Variants in HS3ST4 observed in about 807,000 individuals in gnomAD.
HS3ST4 encodes the protein heparan sulfate-glucosamine 3-sulfotransferase 4, also known as heparan sulfate glucosamine 3-O-sulfotransferase 4.
In HS3ST4, 17 loss-of-function variants were observed where a neutral mutation model predicts 29.2. The observed-to-expected ratio is 0.58, with a 90% CI of 0.40 to 0.87. The LOEUF (loss-of-function observed/expected upper bound fraction) is 0.87. Ranked by LOEUF, HS3ST4 falls within the 40% of genes least tolerant of loss-of-function variation. HS3ST4 has a pLI of 0.00. For synonymous variants in HS3ST4, 314 were observed against 285.7 expected, an observed-to-expected ratio of 1.10 and a Z score of -1.00; for missense variants, 627 against 634.5, an observed-to-expected ratio of 0.99 and a Z score of 0.13.
At chr16:25,941,867 T>G (rs1312812075) in intron 1 of HS3ST4, among the ~76,000 whole-genome samples, 1 of 152,224 alleles carries the variant, frequency 6.6e-6, no homozygotes, top group Admixed American at 6.5e-5. Context: ...TGAGCCACCA[T>G]GCCTGGCCAA....
At chr16:25,752,921 G>C (rs1966731416) in intron 1 of HS3ST4, among the ~76,000 whole-genome samples, 1 of 152,178 alleles carries the variant, frequency 6.6e-6, no homozygotes, top group African/African-American at 2.4e-5. Flanking sequence ...TAGACTGACG[G>C]TATTATAGAG....
chr16:26,060,109 G>T (rs947945161), intron 1 of HS3ST4, among the ~76,000 whole-genome samples: 4 of 152,080 alleles, frequency 2.6e-5, no homozygotes, highest in Admixed American at 2.0e-4. Flanking sequence ...TGATTGTTTT[G>T]ATTGTTGTCA....
At chr16:25,827,970 A>C (rs1425218662) in intron 1 of HS3ST4, among the ~76,000 whole-genome samples, 8 of 152,076 alleles carry the variant, frequency 5.3e-5, no homozygotes, top group Non-Finnish European at 8.8e-5. Context: ...CTTTATGAGG[A>C]GAGGAGGTTT....
intron 1 of HS3ST4, among the ~76,000 whole-genome samples, chr16:26,122,188 A>C (rs1298632506): frequency 6.6e-6 from 1 of 151,940 alleles, no homozygotes; most frequent in Non-Finnish European, 1.5e-5. Context: ...GCAAAAAAAA[A>C]AAAAAAAATC....
chr16:25,953,339 T>C (rs1968699595), intron 1 of HS3ST4, among the ~76,000 whole-genome samples: 1 of 152,208 alleles, frequency 6.6e-6, no homozygotes, highest in Non-Finnish European at 1.5e-5. Flanking sequence ...TTGCTTTGCC[T>C]ATTTCTTGAA....
At chr16:25,773,634 C>T (rs886252163) in intron 1 of HS3ST4, among the ~76,000 whole-genome samples, 1 of 152,042 alleles carries the variant, frequency 6.6e-6, no homozygotes, top group Non-Finnish European at 1.5e-5. Context: ...GAAATGCTGG[C>T]GATGCAGGAA....
At chr16:25,927,375 A>G (rs565304362) in intron 1 of HS3ST4, among the ~76,000 whole-genome samples, 25 of 152,332 alleles carry the variant, frequency 1.6e-4, no homozygotes, top group African/African-American at 5.5e-4. Context: ...TTGACCTTCC[A>G]TGGCCTTCAG....
intron 1 of HS3ST4, among the ~76,000 whole-genome samples, chr16:25,866,297 T>C (rs949294279): frequency 6.6e-6 from 1 of 152,196 alleles, no homozygotes; most frequent in African/African-American, 2.4e-5. Flanking sequence ...TGTACAGATC[T>C]GATTGAAGGA....
chr16:25,913,261 A>C (rs1462965315), intron 1 of HS3ST4, among the ~76,000 whole-genome samples: 2 of 152,038 alleles, frequency 1.3e-5, no homozygotes, highest in Admixed American at 6.5e-5. Context: ...CTGAAACCTA[A>C]CCCCCCCGGG....
intron 1 of HS3ST4, among the ~76,000 whole-genome samples, chr16:26,092,034 C>T (rs561415529): frequency 2.6e-5 from 4 of 152,062 alleles, no homozygotes; most frequent in East Asian, 1.9e-4. Context: ...TTGGAAATGC[C>T]GAGCTGAGCC....
chr16:26,070,271 T>A, intron 1 of HS3ST4, among the ~76,000 whole-genome samples: 1 of 152,192 alleles, frequency 6.6e-6, no homozygotes, highest in Non-Finnish European at 1.5e-5. Flanking sequence ...AGATGATATG[T>A]CATTGTGGTT....
chr16:25,878,403 A>T (rs574949042), intron 1 of HS3ST4, among the ~76,000 whole-genome samples: 3 of 152,148 alleles, frequency 2.0e-5, no homozygotes, highest in African/African-American at 7.2e-5. Context: ...ACGTTTGTTT[A>T]ATGATGCTCA....
At chr16:25,945,569 G>T (rs139923120) in intron 1 of HS3ST4, among the ~76,000 whole-genome samples, 81 of 152,284 alleles carry the variant, frequency 5.3e-4, no homozygotes, top group Middle Eastern at 6.8e-3. Context: ...TAATGCCAAG[G>T]TGCTTCTCAA....
intron 1 of HS3ST4, among the ~76,000 whole-genome samples, chr16:25,800,447 T>TTC (rs1966922364): frequency 6.6e-6 from 1 of 151,880 alleles, no homozygotes; most frequent in South Asian, 2.1e-4. Context: ...TCCCACCTCT[T>TTC]TCTCTCTCTG....
intron 1 of HS3ST4, among the ~76,000 whole-genome samples, chr16:25,729,446 C>T (rs969155103): frequency 6.6e-6 from 1 of 152,172 alleles, no homozygotes; most frequent in African/African-American, 2.4e-5. Context: ...AGGTTCCATC[C>T]TGGTGCCTGG....
chr16:25,768,418 G>A (rs2141609821), intron 1 of HS3ST4, among the ~76,000 whole-genome samples: 1 of 152,152 alleles, frequency 6.6e-6, no homozygotes, highest in South Asian at 2.1e-4. Context: ...CCCTCTCTCT[G>A]TTTGTTTTGC....
intron 1 of HS3ST4, among the ~76,000 whole-genome samples, chr16:25,945,571 G>T (rs955896005): frequency 6.6e-6 from 1 of 152,186 alleles, no homozygotes; most frequent in Non-Finnish European, 1.5e-5. Flanking sequence ...ATGCCAAGGT[G>T]CTTCTCAAAG....
chr16:25,904,107 AATGGATGGATGG>A lies in HS3ST4; in HGVS notation c.734+210992_734+211003del, dbSNP rs146106307. Among the ~76,000 whole-genome samples, 890 of 142,588 alleles carry A rather than the reference AATGGATGGATGG, an allele frequency of 6.2e-3. 9 individuals carry two copies. Among genetic ancestry groups the A allele is most frequent in the African/African-American group, 0.021 (804 of 38,304 alleles). 93.5% of individuals were successfully genotyped at this position (142,588 alleles called of 152,430 possible). A position where few individuals can be genotyped will look rare whatever the true frequency, so the allele number is the denominator to read the frequency against. ...GGATGCATGGATGAATGAATGGATGAATGGATGGATGGATGGATGGATGGATGGATGGATGGA... is the reference window on the plus strand; with the variant it reads ...GGATGCATGGATGAATGAATGGATGAATGGATGGATGGATGGATGGATGGA... On this transcript the variant is annotated intron_variant, in intron 1 of 1. Transcript: ENST00000331351.
At chr16:25,920,549 T>C (rs1356325123) in intron 1 of HS3ST4, among the ~76,000 whole-genome samples, 1 of 151,386 alleles carries the variant, frequency 6.6e-6, no homozygotes, top group Non-Finnish European at 1.5e-5. Flanking sequence ...GCACCTGAAA[T>C]GTTTGTTCTT....
Sources: gnomAD v4.1 joint callset for allele counts (sites outside exome capture counted in the v4.1 genomes callset) on GRCh38, gnomAD v4.1.1 for gene constraint, MANE v1.5 for transcripts, NCBI Gene and HGNC (gene_info 2026-07-23, HGNC 2026-07-21) for gene names.